The following RCOR2 variants were observed in gnomAD, a reference collection of about 807,000 sequenced individuals.
RCOR2 encodes REST corepressor 2.
In RCOR2, 19 loss-of-function variants were observed where a neutral mutation model predicts 58.9. The observed-to-expected ratio is 0.32, with a 90% CI of 0.23 to 0.47. The LOEUF is 0.47. RCOR2 is among the 20% of genes least tolerant of loss of function. The probability of loss-of-function intolerance (pLI) is 1.00; values close to 1 mark genes in which losing one functional copy is unlikely to be tolerated. For synonymous variants in RCOR2, 286 were observed against 278.7 expected (o/e 1.03, Z -0.26); for missense variants, 590 against 707.9 (o/e 0.83, Z 1.89).
In RCOR2 at chr11:63,912,527, A is replaced by G. The variant is rs2134244298; in HGVS notation, c.1035T>C (p.Arg345=). ...DEQLLAVQAI[R]RYGKDFGAIA... ...TAGCCCCAAAGTCTTTGCCATACCT[A>G]CGGATGGCTGCAAGGGTCAAAAGGG... Residue 345 remains arginine (R), a synonymous_variant, in exon 11 of 12, where the codon CGT becomes CGC. Transcript: ENST00000301459. 6.2e-7 allele frequency: 1 copy of G among 1,613,242 alleles called. No individual in the cohort carries two copies. The highest frequency in any genetic ancestry group is 8.5e-7 in the Non-Finnish European group (1 of 1,179,342).
In RCOR2 at chr11:63,913,936, C is replaced by T; in HGVS notation, c.891+18G>A. On this transcript the variant is annotated intron_variant, in intron 8 of 11. Coordinates refer to ENST00000301459, the MANE Select transcript of RCOR2 (RefSeq NM_173587.4). ...GAATGCCACCTTTGCATAGCCCGTT[C>T]ATTTCCCAGGGCCCCACCTGGCGCT... 6.2e-7 allele frequency: 1 copy of T among 1,612,138 alleles called. No individual in the cohort carries two copies. The highest frequency in any genetic ancestry group is 8.5e-7 in the Non-Finnish European group (1 of 1,178,820).
the RCOR2 span, among the ~76,000 whole-genome samples, chr11:63,927,281 G>GT: frequency 6.7e-6 from 1 of 150,242 alleles, no homozygotes; most frequent in Non-Finnish European, 1.5e-5. Flanking sequence ...GTTTTTTTGT[G>GT]TTTTTTTGAG....
upstream of RCOR2, among the ~76,000 whole-genome samples, chr11:63,920,559 G>A (rs973042783): frequency 1.3e-5 from 2 of 152,184 alleles, no homozygotes; most frequent in African/African-American, 4.8e-5. Flanking sequence ...GAGAGGCAGC[G>A]GGAGGGCCCC....
At chr11:63,919,375 G>A (rs1215998969), upstream of RCOR2, among the ~76,000 whole-genome samples, 1 of 152,014 alleles carries the variant, frequency 6.6e-6, no homozygotes, top group African/African-American at 2.4e-5. Context: ...CGGCCGGCCT[G>A]GCCATCTGCT....
chr11:63,926,597 C>T, the RCOR2 span, among the ~76,000 whole-genome samples: 11 of 151,262 alleles, frequency 7.3e-5, no homozygotes, highest in African/African-American at 2.4e-4. Context: ...AGCAATTCTC[C>T]GCCTCAGCCT....
At chr11:63,919,653 C>T (rs896183756), upstream of RCOR2, among the ~76,000 whole-genome samples, 1 of 152,206 alleles carries the variant, frequency 6.6e-6, no homozygotes, top group Non-Finnish European at 1.5e-5. Flanking sequence ...CAGCCTGAGG[C>T]AGCGGAAGGG....
chr11:63,912,673 C>T lies in RCOR2; in HGVS notation c.1027+3G>A, dbSNP rs1941790145. On this transcript the variant is annotated splice_donor_region_variant and intron_variant, in intron 10 of 11. Coordinates refer to ENST00000301459, the MANE Select transcript of RCOR2 (RefSeq NM_173587.4). ...CCTCTCTTCTCACCACAGTTTAACC[C>T]ACCTTGAACAGCCAAAAGCTGCTCA... 1 of 1,614,034 alleles carries T rather than the reference C, an allele frequency of 6.2e-7. No homozygotes were observed. The highest frequency in any genetic ancestry group is 1.3e-5 in the African/African-American group (1 of 75,028).
chr11:63,915,123 G>A lies in RCOR2; in HGVS notation c.265+55C>T, dbSNP rs1941837678. 2.0e-6 allele frequency: 3 copies of A among 1,517,718 alleles called. No individual in the cohort carries two copies. The South Asian group carries it at 3.6e-5, about 18-fold the overall frequency. 94.0% of individuals were successfully genotyped at this position (1,517,718 alleles called of 1,614,324 possible). On this transcript the variant is annotated intron_variant, in intron 3 of 11. Transcript: ENST00000301459. ...TCCAGCCCCCTTCTGAGAAGAGCTA[G>A]CTTGGAGCTGGGATGAACCCAAGCC...
At chr11:63,915,326 C>T in intron 2 of RCOR2, 68 bp from the exon 3 acceptor site, 3 of 1,412,258 alleles carry the variant, frequency 2.1e-6, no homozygotes, top group South Asian at 2.5e-5. Context: ...AGACCCATGG[C>T]CAGAGGGCAG....
chr11:63,921,103 G>A (rs2875719), upstream of RCOR2, among the ~76,000 whole-genome samples: 149,472 of 152,306 alleles, frequency 0.98, 73,402 homozygotes, highest in East Asian at 1. Context: ...ACCCACGTGG[G>A]GGAAATCTGA....
chr11:63,915,307 C>T, intron 2 of RCOR2, 49 bp from the exon 3 acceptor site: 1 of 1,508,818 alleles, frequency 6.6e-7, no homozygotes, highest in Non-Finnish European at 9.0e-7. Flanking sequence ...AGCCTGGTGG[C>T]ACAAGCCTAG....
intron 1 of RCOR2, 50 bp downstream of exon 1, chr11:63,916,280 T>A: frequency 7.2e-5 from 99 of 1,374,496 alleles, no homozygotes; most frequent in Middle Eastern, 2.5e-4. Context: ...CCCGCCCCAC[T>A]CCGCTCCCCC....
intron 8 of RCOR2, 80 bp from the exon 9 acceptor site, chr11:63,913,027 G>T: frequency 8.3e-7 from 1 of 1,199,824 alleles, no homozygotes; most frequent in Non-Finnish European, 1.2e-6. Context: ...CCCTACTTCT[G>T]CACAGACACC....
In RCOR2 at chr11:63,912,656, C is replaced by A. The variant is rs748405384; in HGVS notation, c.1027+20G>T. On this transcript the variant is annotated intron_variant, in intron 10 of 11. Transcript: ENST00000301459. ...AGATAGATTCCTGGGGTCCTCTCTTCTCACCACAGTTTAACCCACCTTGAA... is the reference window on the plus strand; with the variant it reads ...AGATAGATTCCTGGGGTCCTCTCTTATCACCACAGTTTAACCCACCTTGAA... The A allele has an allele frequency of 1.9e-6, 3 of 1,613,392 alleles. No individual in the cohort carries two copies. The African/African-American group carries it at 4.0e-5, about 22-fold the overall frequency.
At chr11:63,925,615 C>T in the RCOR2 span, among the ~76,000 whole-genome samples, 3 of 150,906 alleles carry the variant, frequency 2.0e-5, no homozygotes, top group South Asian at 2.1e-4. Flanking sequence ...ACTAGGAGTT[C>T]GTGACCACCT....
rs1941863613 is a variant in RCOR2, at chr11:63,916,739, T to C, written c.-283A>G. 4.7e-6 allele frequency: 2 copies of C among 428,274 alleles called. No homozygotes were observed. The highest frequency in any genetic ancestry group is 4.2e-6 in the Non-Finnish European group (1 of 239,274). 26.5% of individuals were successfully genotyped at this position (428,274 alleles called of 1,614,324 possible). A position where few individuals can be genotyped will look rare whatever the true frequency, so the allele number is the denominator to read the frequency against. ...CGGTGCGGCTGGGGCGTGATTACTA[T>C]GTACGCCCCTCAGGGTTGGGGTTCC... On this transcript the variant is annotated 5_prime_UTR_variant, in exon 1 of 12. Transcript: ENST00000301459.
Position 63,916,408 on chromosome 11 carries a change from G to A in RCOR2, c.49C>T (p.Arg17Cys). ...KPSAGSGILS[R>C]SRAKTVPNGG... ...TTGGGCACCGTCTTGGCCCGGCTACGGGACAGGATCCCAGAGCCCGCGCTC... is the reference window on the plus strand; with the variant it reads ...TTGGGCACCGTCTTGGCCCGGCTACAGGACAGGATCCCAGAGCCCGCGCTC... Residue 17 changes from arginine (R) to cysteine (C), a missense_variant, in exon 1 of 12, where the codon CGT becomes TGT. Arg to Cys is a radical substitution (Grantham distance 180, BLOSUM62 -3). Transcript: ENST00000301459. 1 of 1,607,746 alleles carries A rather than the reference G, an allele frequency of 6.2e-7. No homozygotes were observed. Among genetic ancestry groups the A allele is most frequent in the Non-Finnish European group, 8.5e-7 (1 of 1,177,870 alleles).
chr11:63,920,693 G>T (rs1011794353), upstream of RCOR2, among the ~76,000 whole-genome samples: 3 of 152,160 alleles, frequency 2.0e-5, no homozygotes, highest in Admixed American at 2.0e-4. Flanking sequence ...AATGGAGGAG[G>T]TGGGCTAGAG....
the RCOR2 span, among the ~76,000 whole-genome samples, chr11:63,926,891 G>A: frequency 6.7e-6 from 1 of 148,610 alleles, no homozygotes; most frequent in South Asian, 2.2e-4. Flanking sequence ...GCGCGATCTC[G>A]GCTCACTGCA....
Sources: allele counts gnomAD v4.1 joint callset (sites outside exome capture counted in the v4.1 genomes callset), GRCh38; gene constraint gnomAD v4.1.1; transcripts MANE v1.5; gene names NCBI Gene and HGNC (gene_info 2026-07-23, HGNC 2026-07-21).